DNAJC1: variants seen among roughly 807,000 people sequenced by gnomAD.
DNAJC1 encodes dnaJ homolog subfamily C member 1.
A neutral mutation model predicts 76.6 loss-of-function variants in DNAJC1; 58 were observed. That is an observed-to-expected ratio of 0.76 (90% CI 0.61 to 0.94). DNAJC1 has a LOEUF of 0.94. DNAJC1 is among the 40% of genes least tolerant of loss of function. The pLI, the probability that DNAJC1 is intolerant of heterozygous loss-of-function variation, is 0.00. For missense variants in DNAJC1, 689 were observed against 677.3 expected (o/e 1.02, Z -0.19); for synonymous variants, 258 against 267.9 (o/e 0.96, Z 0.36).
intron 8 of DNAJC1, among the ~76,000 whole-genome samples, chr10:21,842,912 A>G (rs1835596384): frequency 6.6e-6 from 1 of 152,220 alleles, no homozygotes; most frequent in African/African-American, 2.4e-5. Context: ...AGGGGTCATT[A>G]TGTTCTCAAA....
At chr10:21,978,440 A>G (rs1157218109) in intron 1 of DNAJC1, among the ~76,000 whole-genome samples, 5 of 152,168 alleles carry the variant, frequency 3.3e-5, no homozygotes, top group African/African-American at 1.2e-4. Context: ...CTAGTAAGAC[A>G]GGGGTCAGCA....
Position 21,929,038 on chromosome 10 carries a change from A to G in DNAJC1, c.324+2T>C. On this transcript the variant is annotated splice_donor_variant, in intron 2 of 11. Transcript: ENST00000376980. LOFTEE classifies it high-confidence loss of function. ...ATATATATAATAGCATATTTCACTT[A>G]CTTGTCTAAACTGAGTTTCTGCATT... 6.3e-7 allele frequency: 1 copy of G among 1,575,278 alleles called. No homozygotes were observed. The highest frequency in any genetic ancestry group is 8.7e-7 in the Non-Finnish European group (1 of 1,151,040).
chr10:21,774,688 A>G (rs1417187990), intron 9 of DNAJC1, among the ~76,000 whole-genome samples: 1 of 152,192 alleles, frequency 6.6e-6, no homozygotes, highest in Non-Finnish European at 1.5e-5. Flanking sequence ...CATGTTAGCC[A>G]GGATGGTCTC....
At chr10:21,902,738 T>C (rs1836680008) in intron 7 of DNAJC1, among the ~76,000 whole-genome samples, 1 of 152,208 alleles carries the variant, frequency 6.6e-6, no homozygotes, top group Non-Finnish European at 1.5e-5. Context: ...ATGTTTAACC[T>C]AATTTCAAAA....
At chr10:21,830,790 C>CA (rs1450974786) in intron 8 of DNAJC1, among the ~76,000 whole-genome samples, 2 of 152,208 alleles carry the variant, frequency 1.3e-5, no homozygotes, top group Non-Finnish European at 2.9e-5. Flanking sequence ...TTGACCAGAT[C>CA]ATCTTCTAAC....
At chr10:21,919,505 T>C (rs1390718775) in intron 5 of DNAJC1, among the ~76,000 whole-genome samples, 1 of 151,982 alleles carries the variant, frequency 6.6e-6, no homozygotes, top group African/African-American at 2.4e-5. Flanking sequence ...TATCACTGCC[T>C]CTCTACATAC....
chr10:21,962,128 C>G (rs1037383545), intron 1 of DNAJC1, among the ~76,000 whole-genome samples: 1 of 152,092 alleles, frequency 6.6e-6, no homozygotes, highest in African/African-American at 2.4e-5. Context: ...TATTTTTCTC[C>G]ATAGAATTGT....
Position 21,978,132 on chromosome 10 carries a change from T to C in DNAJC1, c.222+25081A>G, listed in dbSNP as rs368183368. Among the ~76,000 whole-genome samples, 11 of 152,214 alleles carry C rather than the reference T, an allele frequency of 7.2e-5. No individual in the cohort carries two copies. In the East Asian group the frequency reaches 1.7e-3, roughly 24 times the overall value. ...CTTCCATCTATCTCATTCCTCATCA[T>C]CCAAATATATATAGATTTTTCTTAA... On this transcript the variant is annotated intron_variant, in intron 1 of 11. Coordinates refer to ENST00000376980, the MANE Select transcript of DNAJC1 (RefSeq NM_022365.4).
At chr10:21,974,912 C>A (rs994417832) in intron 1 of DNAJC1, among the ~76,000 whole-genome samples, 1 of 151,250 alleles carries the variant, frequency 6.6e-6, no homozygotes, top group Non-Finnish European at 1.5e-5. Context: ...CTTAAAAATA[C>A]AATGCAGGGT....
At chr10:21,766,735 C>A (rs1281129760) in intron 9 of DNAJC1, among the ~76,000 whole-genome samples, 1 of 152,028 alleles carries the variant, frequency 6.6e-6, no homozygotes, top group Non-Finnish European at 1.5e-5. Flanking sequence ...CTTTGGGAGG[C>A]CAAGGTGGGT....
chr10:21,905,823 AAAG>A (rs1836734992), intron 6 of DNAJC1, among the ~76,000 whole-genome samples: 1 of 152,154 alleles, frequency 6.6e-6, no homozygotes, highest in Non-Finnish European at 1.5e-5. Context: ...GAAATAAGAA[AAAG>A]AAGGGTTTCA....
chr10:21,932,881 T>C (rs1013351136), intron 1 of DNAJC1, among the ~76,000 whole-genome samples: 3 of 152,188 alleles, frequency 2.0e-5, no homozygotes, highest in African/African-American at 7.2e-5. Context: ...ATTACAGGCA[T>C]GAGCCACCAT....
intron 8 of DNAJC1, 35 bp downstream of exon 8, chr10:21,882,246 GT>G: frequency 6.4e-7 from 1 of 1,569,748 alleles, no homozygotes; most frequent in African/African-American, 1.4e-5. Flanking sequence ...TTCTGTACAT[GT>G]TTTACTCAAA....
At chr10:21,904,416 A>G (rs1487604822) in intron 7 of DNAJC1, 106 bp downstream of exon 7, 12 of 736,556 alleles carry the variant, frequency 1.6e-5, no homozygotes, top group Non-Finnish European at 2.4e-5. Flanking sequence ...GGAAAAAAAA[A>G]AAAAGAAAAC....
chr10:21,766,596 C>A (rs1834302227), intron 9 of DNAJC1, among the ~76,000 whole-genome samples: 1 of 152,154 alleles, frequency 6.6e-6, no homozygotes, highest in African/African-American at 2.4e-5. Flanking sequence ...TTATACGAGG[C>A]TGCCTCTTTT....
intron 1 of DNAJC1, among the ~76,000 whole-genome samples, chr10:21,941,974 C>T (rs1837421040): frequency 1.3e-5 from 2 of 151,990 alleles, no homozygotes; most frequent in Admixed American, 6.6e-5. Flanking sequence ...AGAAATTTTA[C>T]TAAGCCAACA....
At chr10:21,922,665 A>T (rs1412192793) in intron 3 of DNAJC1, among the ~76,000 whole-genome samples, 1 of 152,028 alleles carries the variant, frequency 6.6e-6, no homozygotes, top group Admixed American at 6.6e-5. Context: ...GATTCATTTT[A>T]AATGAGAAAA....
chr10:21,801,685 C>T (rs532986701), intron 9 of DNAJC1, among the ~76,000 whole-genome samples: 64 of 152,160 alleles, frequency 4.2e-4, no homozygotes, highest in African/African-American at 1.4e-3. Context: ...GACACATGCA[C>T]GTGAATGTTC....
chr10:21,813,216 CTCTCTATA>C (rs1338198695), intron 8 of DNAJC1, among the ~76,000 whole-genome samples: 103 of 35,492 alleles, frequency 2.9e-3, no homozygotes, highest in East Asian at 0.015. Context: ...CTCTCTCTCT[CTCTCTATA>C]TATATATATA....
Sources: allele counts gnomAD v4.1 joint callset (sites outside exome capture counted in the v4.1 genomes callset), GRCh38; gene constraint gnomAD v4.1.1; transcripts MANE v1.5; gene names NCBI Gene and HGNC (gene_info 2026-07-23, HGNC 2026-07-21).